Variants in EDA observed in about 807,000 individuals in gnomAD.
EDA encodes ectodysplasin A, also known as ectodysplasin-A.
EDA carries 2 observed loss-of-function variants against 23.6 expected under a neutral mutation model. The ratio of observed to expected loss-of-function variants is 0.08; its 90% CI spans 0.03 to 0.27. The LOEUF (loss-of-function observed/expected upper bound fraction) is 0.27. EDA is among the 10% of genes least tolerant of loss of function. The pLI, the probability that EDA is intolerant of heterozygous loss-of-function variation, is 1.00. For missense variants in EDA, 229 were observed against 324.2 expected (o/e 0.71, Z 2.26); for synonymous variants, 131 against 132.0 (o/e 0.99, Z 0.05).
intron 1 of EDA, among the ~76,000 whole-genome samples, chrX:69,683,440 A>G (rs1934442659): frequency 9.0e-6 from 1 of 111,571 alleles, no homozygotes; most frequent in Non-Finnish European, 1.9e-5. Context: ...AACCTGTCCA[A>G]ACTACAAGGC....
At chrX:69,715,635 G>A (rs939579081) in intron 1 of EDA, among the ~76,000 whole-genome samples, 1 of 107,558 alleles carries the variant, frequency 9.3e-6, no homozygotes, top group Non-Finnish European at 1.9e-5. Flanking sequence ...GGGTCAAATG[G>A]TAGTTCTTTG....
At chrX:69,712,134 T>A (rs1435838040) in intron 1 of EDA, among the ~76,000 whole-genome samples, 10 of 111,154 alleles carry the variant, frequency 9.0e-5, no homozygotes, top group African/African-American at 2.6e-4. Context: ...GGGCATTTAG[T>A]GCTGTAAATT....
chrX:69,928,920 T>C (rs1344058808), intron 1 of EDA, among the ~76,000 whole-genome samples: 3 of 112,058 alleles, frequency 2.7e-5, no homozygotes, highest in East Asian at 5.6e-4. Flanking sequence ...TGATTCAAAA[T>C]ACTTGGTTGC....
At chrX:69,869,686 G>A (rs2017536706) in intron 1 of EDA, among the ~76,000 whole-genome samples, 1 of 111,860 alleles carries the variant, frequency 8.9e-6, no homozygotes, top group Non-Finnish European at 1.9e-5. Context: ...GGAACACCAT[G>A]ATTAATTAGC....
intron 1 of EDA, among the ~76,000 whole-genome samples, chrX:69,936,822 C>G (rs1163745303): frequency 9.0e-6 from 1 of 111,667 alleles, no homozygotes; most frequent in Admixed American, 9.5e-5. Context: ...ACCAAACTCC[C>G]AAGTAGGTAA....
intron 2 of EDA, among the ~76,000 whole-genome samples, chrX:70,016,639 T>G (rs191118755): frequency 9.0e-6 from 1 of 111,501 alleles, no homozygotes; most frequent in African/African-American, 3.3e-5. Context: ...GGGAAAATAA[T>G]GAAATTAAGC....
At chrX:69,796,508 C>T (rs2520379) in intron 1 of EDA, among the ~76,000 whole-genome samples, 33,680 of 111,358 alleles carry the variant, frequency 0.3, 4,747 homozygotes, top group Middle Eastern at 0.54. Flanking sequence ...TACACTGCTG[C>T]ACACGCCCAG....
chrX:69,678,711 G>T (rs1311312090), intron 1 of EDA, among the ~76,000 whole-genome samples: 2 of 103,453 alleles, frequency 1.9e-5, no homozygotes, highest in Non-Finnish European at 3.9e-5. Context: ...ATCAGCTTAA[G>T]GAGATTTTGG....
chrX:69,639,556 C>T (rs1474247336), intron 1 of EDA, among the ~76,000 whole-genome samples: 1 of 111,611 alleles, frequency 9.0e-6, no homozygotes, highest in African/African-American at 3.3e-5. Context: ...TGGTTATTTG[C>T]ATATCTTTGG....
At chrX:69,726,333 C>G (rs1461142149) in intron 1 of EDA, among the ~76,000 whole-genome samples, 1 of 111,511 alleles carries the variant, frequency 9.0e-6, no homozygotes, top group African/African-American at 3.3e-5. Flanking sequence ...GGTAATTATT[C>G]CAGGTTTTCA....
chrX:69,797,035 A>G (rs1024614992), intron 1 of EDA, among the ~76,000 whole-genome samples: 2 of 111,451 alleles, frequency 1.8e-5, no homozygotes, highest in Non-Finnish European at 3.8e-5. Context: ...GAAATGAAAA[A>G]TGAAGAAAAA....
intron 7 of EDA, among the ~76,000 whole-genome samples, chrX:70,034,510 C>T (rs889399044): frequency 1.8e-5 from 2 of 111,591 alleles, no homozygotes; most frequent in Non-Finnish European, 3.8e-5. Flanking sequence ...GTCCTGTGAG[C>T]CAAGTTCCAC....
intron 2 of EDA, among the ~76,000 whole-genome samples, chrX:69,988,529 G>A (rs1602588467): frequency 9.0e-6 from 1 of 111,524 alleles, no homozygotes; most frequent in East Asian, 2.8e-4. Context: ...TACACCTACT[G>A]TGTACCCACA....
At chrX:69,894,966 A>G (rs1033402449) in intron 1 of EDA, among the ~76,000 whole-genome samples, 3 of 111,120 alleles carry the variant, frequency 2.7e-5, no homozygotes, top group African/African-American at 9.8e-5. Context: ...GGAGAGAGAG[A>G]GGGCATCCTT....
intron 1 of EDA, among the ~76,000 whole-genome samples, chrX:69,911,727 C>CA (rs775902527): frequency 9.0e-6 from 1 of 111,416 alleles, no homozygotes; most frequent in African/African-American, 3.3e-5. Flanking sequence ...GCAATATGTC[C>CA]AAAAAAACAA....
intron 3 of EDA, among the ~76,000 whole-genome samples, chrX:70,024,959 C>T (rs1214617636): frequency 9.0e-6 from 1 of 111,663 alleles, no homozygotes; most frequent in Non-Finnish European, 1.9e-5. Flanking sequence ...GTAAGGAAAT[C>T]GAGAGAAGGG....
intron 1 of EDA, among the ~76,000 whole-genome samples, chrX:69,728,208 C>T (rs1199267704): frequency 1.9e-5 from 2 of 103,695 alleles, no homozygotes; most frequent in African/African-American, 7.1e-5. Flanking sequence ...CACACCACTG[C>T]ACTCCAGCCT....
At chrX:69,626,082 C>G (rs1932376078) in intron 1 of EDA, among the ~76,000 whole-genome samples, 1 of 111,192 alleles carries the variant, frequency 9.0e-6, no homozygotes, top group Non-Finnish European at 1.9e-5. Context: ...CATCATTATC[C>G]ATTACAGAAA....
At chrX:69,910,372 AGAGTGTGT>A (rs1353586367) in intron 1 of EDA, among the ~76,000 whole-genome samples, 1,421 of 51,253 alleles carry the variant, frequency 0.028, 10 homozygotes, top group Non-Finnish European at 0.036. Flanking sequence ...AGAGAGAGAG[AGAGTGTGT>A]GTGTGTGTGT....
Sources: allele counts gnomAD v4.1 joint callset (sites outside exome capture counted in the v4.1 genomes callset), GRCh38; gene constraint gnomAD v4.1.1; transcripts MANE v1.5; gene names NCBI Gene and HGNC (gene_info 2026-07-23, HGNC 2026-07-21).